The following SUMF1 variants were observed in gnomAD, a reference collection of about 807,000 sequenced individuals.
The protein encoded by SUMF1 is formylglycine-generating enzyme.
In SUMF1, 48 loss-of-function variants were observed where a neutral mutation model predicts 47.6. That is an observed-to-expected ratio of 1.01 (90% confidence interval 0.80 to 1.28). The LOEUF is 1.28. Ranked by LOEUF, SUMF1 falls within the 50% of genes most tolerant of loss-of-function variation. The pLI is 0.00. For missense variants in SUMF1, 571 were observed against 485.4 expected (o/e 1.18, Z -1.66); for synonymous variants, 230 against 192.1 (o/e 1.20, Z -1.63).
At chr3:4,169,408 G>C (rs1289343869) in intron 8 of SUMF1, among the ~76,000 whole-genome samples, 1 of 152,068 alleles carries the variant, frequency 6.6e-6, no homozygotes, top group Non-Finnish European at 1.5e-5. Flanking sequence ...AAAGAGAAAA[G>C]ACAATGTGAA....
chr3:4,403,931 G>C (rs556323374), intron 7 of SUMF1, among the ~76,000 whole-genome samples: 2 of 152,282 alleles, frequency 1.3e-5, no homozygotes, highest in South Asian at 4.1e-4. Context: ...TCTTTGCTCA[G>C]GAAGAATCAG....
At chr3:4,378,138 T>TACTCCTAACC (rs1553564781) in intron 7 of SUMF1, among the ~76,000 whole-genome samples, 11 of 152,206 alleles carry the variant, frequency 7.2e-5, no homozygotes, top group African/African-American at 2.7e-4. Context: ...ATGCATTTAA[T>TACTCCTAACC]ACTCCTAACC....
intron 8 of SUMF1, among the ~76,000 whole-genome samples, chr3:4,339,401 G>C (rs56031042): frequency 0.16 from 23,715 of 152,158 alleles, 1,885 homozygotes; most frequent in Middle Eastern, 0.24. Flanking sequence ...GGAATGGAAG[G>C]AAAGGAAGCA....
At chr3:4,268,892 G>A (rs897949446) in intron 8 of SUMF1, among the ~76,000 whole-genome samples, 7 of 152,002 alleles carry the variant, frequency 4.6e-5, no homozygotes, top group Non-Finnish European at 8.8e-5. Context: ...GTGTGTGTGC[G>A]TGTGTGTATA....
At position 4,354,292 on chromosome 3, in the gene SUMF1, TG is replaced by T. The variant is rs1232763739; in HGVS notation, c.1014+22037del. On this transcript the variant is annotated intron_variant and NMD_transcript_variant, in intron 8 of 12. Coordinates refer to the SUMF1 transcript ENST00000448413. ...TACCCAAACAACTATTCTCTAAAAC[TG>T]AAATGCAAATTAGCACTGAAGACAC... 2.6e-5 allele frequency among the ~76,000 whole-genome samples: 4 copies of T among 152,298 alleles called. No homozygotes were observed. The East Asian group carries it at 5.8e-4, about 22-fold the overall frequency.
intron 8 of SUMF1, among the ~76,000 whole-genome samples, chr3:4,241,942 A>G (rs1231061150): frequency 6.6e-6 from 1 of 152,162 alleles, no homozygotes; most frequent in Non-Finnish European, 1.5e-5. Context: ...CGTCACCCTA[A>G]TCTTCTTACT....
chr3:4,305,147 G>T (rs1454619502), intron 8 of SUMF1, among the ~76,000 whole-genome samples: 4 of 152,082 alleles, frequency 2.6e-5, no homozygotes. Context: ...GAGTGTGGTG[G>T]TGCGATCAGC....
At chr3:4,097,721 T>A (rs1264219446) in intron 8 of SUMF1, among the ~76,000 whole-genome samples, 3 of 152,150 alleles carry the variant, frequency 2.0e-5, no homozygotes, top group Admixed American at 2.0e-4. Flanking sequence ...GCCACATTTA[T>A]TCTGTGGCTT....
intron 9 of SUMF1, among the ~76,000 whole-genome samples, chr3:4,061,586 G>C (rs551510934): frequency 6.6e-6 from 1 of 152,220 alleles, no homozygotes; most frequent in South Asian, 2.1e-4. Context: ...TTCTCTGGCA[G>C]TACTCATTGT....
intron 8 of SUMF1, among the ~76,000 whole-genome samples, chr3:4,210,641 G>A (rs75121854): frequency 1.3e-5 from 2 of 151,988 alleles, no homozygotes; most frequent in Admixed American, 6.6e-5. Flanking sequence ...AAGTTCAGGG[G>A]TATATGTGCA....
intron 8 of SUMF1, among the ~76,000 whole-genome samples, chr3:4,180,387 C>G (rs1294684040): frequency 2.0e-5 from 3 of 152,112 alleles, no homozygotes; most frequent in African/African-American, 7.2e-5. Context: ...AGTTCATGTC[C>G]TTTGCAGGAA....
At chr3:4,319,428 G>A (rs1407603669) in intron 8 of SUMF1, among the ~76,000 whole-genome samples, 2 of 152,154 alleles carry the variant, frequency 1.3e-5, no homozygotes, top group Non-Finnish European at 1.5e-5. Context: ...CATAGTGAGG[G>A]AAGGAATTAA....
chr3:4,162,905 T>TA lies in SUMF1; in HGVS notation c.1015-94161dup, dbSNP rs35485011. On this transcript the variant is annotated intron_variant and NMD_transcript_variant, in intron 8 of 12. Transcript: ENST00000448413. Reference sequence around the variant, plus strand: ...CAGCCATCTCACTGTGCCTCCCTCATAAAAAAAAAAAGGTTTTGAAAGTAA... The same window carrying TA: ...CAGCCATCTCACTGTGCCTCCCTCATAAAAAAAAAAAAGGTTTTGAAAGTAA... Among the ~76,000 whole-genome samples, 207 of 143,354 alleles carry TA rather than the reference T, an allele frequency of 1.4e-3. 2 individuals carry two copies. Among genetic ancestry groups the TA allele is most frequent in the East Asian group, 6.5e-3 (32 of 4,934 alleles). The allele number at this position is 143,354 out of a possible 152,430, so 94.0% of individuals were successfully genotyped here. A position where few individuals can be genotyped will look rare whatever the true frequency, so the allele number is the denominator to read the frequency against.
At chr3:4,388,759 G>C (rs117640367) in intron 7 of SUMF1, among the ~76,000 whole-genome samples, 3,518 of 152,136 alleles carry the variant, frequency 0.023, 84 homozygotes, top group Admixed American at 0.06. Context: ...CTGCTAAAAG[G>C]TGTATGCATA....
chr3:4,226,264 C>CTTTTTTTTTT (rs869300368), intron 8 of SUMF1, among the ~76,000 whole-genome samples: 6 of 86,990 alleles, frequency 6.9e-5, no homozygotes, highest in South Asian at 4.5e-4. Flanking sequence ...TTTTTTGTTT[C>CTTTTTTTTTT]TTTTTTTTTT....
chr3:4,389,140 A>G (rs113852590), intron 7 of SUMF1, among the ~76,000 whole-genome samples: 1,903 of 152,252 alleles, frequency 0.012, 34 homozygotes, highest in African/African-American at 0.04. Context: ...CTTTTAGGAT[A>G]GGCTGGCTAG....
intron 8 of SUMF1, among the ~76,000 whole-genome samples, chr3:4,375,267 T>G (rs1028109806): frequency 2.6e-5 from 4 of 151,942 alleles, no homozygotes; most frequent in Admixed American, 1.3e-4. Context: ...TTAAAAATTC[T>G]AAGAAATACA....
intron 8 of SUMF1, among the ~76,000 whole-genome samples, chr3:4,120,464 G>A (rs1693513528): frequency 6.6e-6 from 1 of 152,134 alleles, no homozygotes; most frequent in Non-Finnish European, 1.5e-5. Flanking sequence ...TAAAATTACA[G>A]GTTATTTGTG....
chr3:4,367,153 T>A (rs1699997506), intron 8 of SUMF1, among the ~76,000 whole-genome samples: 1 of 152,172 alleles, frequency 6.6e-6, no homozygotes, highest in South Asian at 2.1e-4. Context: ...ACAGTTAGGC[T>A]GCTCGGGGGT....
Sources: allele counts gnomAD v4.1 joint callset (sites outside exome capture counted in the v4.1 genomes callset), GRCh38; gene constraint gnomAD v4.1.1; transcripts MANE v1.5; gene names NCBI Gene and HGNC (gene_info 2026-07-23, HGNC 2026-07-21).